FLYWCH1: variants seen among roughly 807,000 people sequenced by gnomAD.
The protein encoded by FLYWCH1 is FLYWCH-type zinc finger-containing protein 1.
In FLYWCH1, 75 loss-of-function variants were observed where a neutral mutation model predicts 66.4. That is an observed-to-expected ratio of 1.13 (90% CI 0.94 to 1.37). The LOEUF (loss-of-function observed/expected upper bound fraction) is 1.37, where lower values mean the gene tolerates loss of function less well. FLYWCH1 is among the 40% of genes most tolerant of loss of function. FLYWCH1 has a pLI of 0.00. For synonymous variants in FLYWCH1, 595 were observed against 429.9 expected (o/e 1.38, Z -4.75); for missense variants, 1,334 against 1,001.8 (o/e 1.33, Z -4.48).
chr16:2,919,715 A>G (rs2070301968), intron 2 of FLYWCH1, among the ~76,000 whole-genome samples: 1 of 152,184 alleles, frequency 6.6e-6, no homozygotes, highest in Non-Finnish European at 1.5e-5. Context: ...CTTTTTGTAA[A>G]TATAACATTT....
intron 5 of FLYWCH1, 62 bp from the exon 6 acceptor site, chr16:2,933,654 G>GGGTGC: frequency 6.4e-7 from 1 of 1,566,610 alleles, no homozygotes; most frequent in Non-Finnish European, 8.7e-7. Context: ...GGAGGGAAGG[G>GGGTGC]GGTGCGATCA....
In FLYWCH1 at chr16:2,938,083, G is replaced by A. The variant is rs566615698; in HGVS notation, c.1778-101G>A. On this transcript the variant is annotated intron_variant, in intron 7 of 9. Transcript: ENST00000253928. ...CCACCGTGCAGCGTGCTAGGGGATCGCAGATTCCTGGTGGGGCCTGGCTGG... is the reference window on the plus strand; with the variant it reads ...CCACCGTGCAGCGTGCTAGGGGATCACAGATTCCTGGTGGGGCCTGGCTGG... 1.6e-4 allele frequency: 194 copies of A among 1,204,270 alleles called. No individual in the cohort carries two copies. The African/African-American group carries it at 1.7e-3, about 11-fold the overall frequency. The allele number at this position is 1,204,270 out of a possible 1,614,324, so 74.6% of individuals were successfully genotyped here.
intron 2 of FLYWCH1, among the ~76,000 whole-genome samples, chr16:2,919,902 C>T (rs549476667): frequency 1.3e-5 from 2 of 152,072 alleles, no homozygotes; most frequent in South Asian, 2.1e-4. Flanking sequence ...TCCCCCGTGA[C>T]GGGTGGTCCT....
intron 2 of FLYWCH1, among the ~76,000 whole-genome samples, chr16:2,919,334 C>T (rs1165919911): frequency 2.7e-5 from 4 of 150,624 alleles, no homozygotes; most frequent in Non-Finnish European, 4.4e-5. Flanking sequence ...GGTATGGTCT[C>T]GGCTCACTGC....
At position 2,933,118 on chromosome 16, in the gene FLYWCH1, TCTCTC is replaced by T; in HGVS notation, c.797-7_797-3del. On this transcript the variant is annotated splice_region_variant and splice_polypyrimidine_tract_variant and intron_variant, in intron 4 of 9. Coordinates refer to ENST00000253928, the MANE Select transcript of FLYWCH1 (RefSeq NM_001308068.2). Reference sequence around the variant, plus strand: ...ACCCCTGGTGATGTGACCACTTGGGTCTCTCCTCTAGGACAGGCCCGGCCCCTCGA... The same window carrying T: ...ACCCCTGGTGATGTGACCACTTGGGTCTCTAGGACAGGCCCGGCCCCTCGA... 6.2e-7 allele frequency: 1 copy of T among 1,607,402 alleles called. No homozygotes were observed. Among genetic ancestry groups the T allele is most frequent in the Non-Finnish European group, 8.5e-7 (1 of 1,176,192 alleles).
At position 2,933,461 on chromosome 16, in the gene FLYWCH1, G is replaced by A. The variant is rs770836322; in HGVS notation, c.1128G>A (p.Arg376=). 1.2e-6 allele frequency: 2 copies of A among 1,602,274 alleles called. No individual in the cohort carries two copies. Among genetic ancestry groups the A allele is most frequent in the Non-Finnish European group, 1.7e-6 (2 of 1,175,278 alleles). ...GCGTGGATAGTTTGCTCTACCGCAG[G>A]GGTCCGGGTCCCCTGACTCTCACCA... ...LRGVDSLLYR[R]GPGPLTLTRP... Residue 376 remains arginine (R), a synonymous_variant, in exon 5 of 10, where the codon AGG becomes AGA. Coordinates refer to ENST00000253928, the MANE Select transcript of FLYWCH1 (RefSeq NM_001308068.2).
At chr16:2,945,730 G>A (rs2071453120) in intron 9 of FLYWCH1, among the ~76,000 whole-genome samples, 1 of 151,972 alleles carries the variant, frequency 6.6e-6, no homozygotes, top group South Asian at 2.1e-4. Flanking sequence ...GGGTGCGGTG[G>A]CTCATGCCTG....
At chr16:2,922,340 T>A (rs1184764528) in intron 2 of FLYWCH1, 5 of 163,204 alleles carry the variant, frequency 3.1e-5, no homozygotes, top group African/African-American at 1.2e-4. Flanking sequence ...TGTGAGCAGC[T>A]GCTCTCCCTG....
At position 2,937,350 on chromosome 16, in the gene FLYWCH1, G is replaced by A. The variant is rs1360861162; in HGVS notation, c.1743G>A (p.Glu581=). The A allele has an allele frequency of 1.9e-6, 3 of 1,591,672 alleles. No individual in the cohort carries two copies. Among genetic ancestry groups the A allele is most frequent in the Admixed American group, 1.7e-5 (1 of 58,268 alleles). The change falls in exon 7 of 10, where the codon GAG becomes GAA. Residue 581 remains glutamate (E), a synonymous_variant. Coordinates refer to ENST00000253928, the MANE Select transcript of FLYWCH1 (RefSeq NM_001308068.2). ...GCCTGGAGGCCCTGCGGCAGCGGGA[G>A]CACTTCCCCAACCTGGCGCAGTGGG... ...LGGLEALRQR[E]HFPNLAQWDS...
At chr16:2,941,488 TAGTATCGCTTGA>T in intron 9 of FLYWCH1, among the ~76,000 whole-genome samples, 1 of 152,010 alleles carries the variant, frequency 6.6e-6, no homozygotes, top group Non-Finnish European at 1.5e-5. Flanking sequence ...CATGTGCTGG[TAGTATCGCTTGA>T]ACCTGGGAGA....
Position 2,937,197 on chromosome 16 carries a change from G to A in FLYWCH1, c.1590G>A (p.Lys530=). 6.7e-7 allele frequency: 1 copy of A among 1,481,802 alleles called. No individual in the cohort carries two copies. Among genetic ancestry groups the A allele is most frequent in the Non-Finnish European group, 9.0e-7 (1 of 1,113,478 alleles). The allele number at this position is 1,481,802 out of a possible 1,614,324, so 91.8% of individuals were successfully genotyped here. ...VYESFLYRRE[K]AAGEKVYWTC... ...AGTCCTTCCTCTACCGGCGGGAGAA[G>A]GCGGCCGGGGAGAAGGTGTATTGGA... Residue 530 remains lysine, a synonymous_variant, in exon 7 of 10, where the codon AAG becomes AAA. Coordinates refer to ENST00000253928, the MANE Select transcript of FLYWCH1 (RefSeq NM_001308068.2).
rs1475004766 is a variant in FLYWCH1, at chr16:2,938,141, C to G, written c.1778-43C>G. The stretch of plus-strand genomic sequence containing the variant: ...AAATCAGACCCCCAGCCCTGCCACC[C>G]AGGCCCCTGTGGCCCCACTCACAGT... On this transcript the variant is annotated intron_variant, in intron 7 of 9. Coordinates refer to ENST00000253928, the MANE Select transcript of FLYWCH1 (RefSeq NM_001308068.2). 1.9e-6 allele frequency: 3 copies of G among 1,590,020 alleles called. No homozygotes were observed. The African/African-American group carries it at 4.0e-5, about 21-fold the overall frequency.
In FLYWCH1 at chr16:2,929,604, C is replaced by G; in HGVS notation, c.-73-9C>G. The stretch of plus-strand genomic sequence containing the variant: ...TCCACCACTGACGGGATTTTGCTTC[C>G]TTCCTTAGGACGGAACCACTGCACT... On this transcript the variant is annotated splice_polypyrimidine_tract_variant and intron_variant, in intron 2 of 9. Transcript: ENST00000253928. 1.4e-6 allele frequency: 2 copies of G among 1,478,822 alleles called. No individual in the cohort carries two copies. The highest frequency in any genetic ancestry group is 1.8e-6 in the Non-Finnish European group (2 of 1,110,986). The allele number at this position is 1,478,822 out of a possible 1,614,324, so 91.6% of individuals were successfully genotyped here. A position where few individuals can be genotyped will look rare whatever the true frequency, so the allele number is the denominator to read the frequency against.
rs373875118 is a variant in FLYWCH1 at position 2,938,351 on chromosome 16, C to T, written c.1945C>T (p.Arg649Cys). The T allele has an allele frequency of 6.3e-5, 101 of 1,600,946 alleles. No individual in the cohort carries two copies. The highest frequency in any genetic ancestry group is 2.8e-4 in the African/African-American group (21 of 74,594). ...CRSRAITQGH[R>C]IMVMRSHCHQ... The stretch of plus-strand genomic sequence containing the variant: ...CAGCCGCGCCATAACCCAGGGCCAC[C>T]GCATCATGGTCATGCGCAGCCACTG... The change falls in exon 8 of 10, where the codon CGC becomes TGC. Residue 649 changes from arginine (R) to cysteine (C), a missense_variant. By Grantham distance (180) the Arg-to-Cys change is radical. Coordinates refer to ENST00000253928, the MANE Select transcript of FLYWCH1 (RefSeq NM_001308068.2).
intron 5 of FLYWCH1, 43 bp from the exon 6 acceptor site, chr16:2,933,673 C>G: frequency 6.3e-7 from 1 of 1,589,992 alleles, no homozygotes; most frequent in Non-Finnish European, 8.6e-7. Flanking sequence ...CAGGCCTACC[C>G]AGCCCCTGTC....
In FLYWCH1 at chr16:2,933,510, A is replaced by G. The variant is rs1281552934; in HGVS notation, c.1177A>G (p.Lys393Glu). The G allele has an allele frequency of 6.2e-7, 1 of 1,612,248 alleles. No homozygotes were observed. The highest frequency in any genetic ancestry group is 8.5e-7 in the Non-Finnish European group (1 of 1,179,384). The part of the protein sequence containing the change: ...LTRPRPRKRA[K>E]VEDQELPTQP... Reference sequence around the variant, plus strand: ...CAGGCCTCGGCCCAGAAAGCGAGCAAAGGTCGAAGACCAGGAGCTGCCAAC... The same window carrying G: ...CAGGCCTCGGCCCAGAAAGCGAGCAGAGGTCGAAGACCAGGAGCTGCCAAC... Residue 393 changes from lysine to glutamate, a missense_variant, in exon 5 of 10, where the codon AAG becomes GAG. By Grantham distance (56) the Lys-to-Glu change is moderately conservative. Transcript: ENST00000253928.
chr16:2,942,010 A>C (rs1281722427), intron 9 of FLYWCH1, among the ~76,000 whole-genome samples: 3 of 150,950 alleles, frequency 2.0e-5, no homozygotes, highest in African/African-American at 4.8e-5. Flanking sequence ...AAAAAAAAAA[A>C]AAAAAAAAAA....
chr16:2,928,266 G>A (rs950374758), intron 2 of FLYWCH1, among the ~76,000 whole-genome samples: 2 of 152,196 alleles, frequency 1.3e-5, no homozygotes, highest in African/African-American at 2.4e-5. Context: ...CAACAGCAAA[G>A]AGGTTTCCCT....
chr16:2,932,713 C>A (rs116673346), intron 4 of FLYWCH1, among the ~76,000 whole-genome samples: 2 of 151,992 alleles, frequency 1.3e-5, no homozygotes, highest in African/African-American at 2.4e-5. Flanking sequence ...ATTTGTTAAA[C>A]AAAACCTAAA....
Sources: allele counts gnomAD v4.1 joint callset (sites outside exome capture counted in the v4.1 genomes callset), GRCh38; gene constraint gnomAD v4.1.1; transcripts MANE v1.5; gene names NCBI Gene and HGNC (gene_info 2026-07-23, HGNC 2026-07-21).